The following ARHGAP44 variants were observed in gnomAD, a reference collection of about 807,000 sequenced individuals.
ARHGAP44 encodes the protein rho GTPase-activating protein 44.
ARHGAP44 carries 43 observed loss-of-function variants against 106.8 expected under a neutral mutation model. That is an observed-to-expected ratio of 0.40 (90% confidence interval 0.32 to 0.52). The LOEUF (loss-of-function observed/expected upper bound fraction) is 0.52. Among genes scored for constraint, ARHGAP44 ranks in the 20% least tolerant of loss-of-function variants. The pLI is 0.48. For synonymous variants in ARHGAP44, 439 were observed against 410.3 expected (o/e 1.07, Z -0.85); for missense variants, 866 against 1,050.5 (o/e 0.82, Z 2.43).
At chr17:12,792,559 C>T (rs893982294) in intron 1 of ARHGAP44, among the ~76,000 whole-genome samples, 2 of 152,114 alleles carry the variant, frequency 1.3e-5, no homozygotes, top group South Asian at 2.1e-4. Flanking sequence ...TAAAAGAGCC[C>T]GCGGTTGCCT....
chr17:12,800,131 C>T (rs2034045120), intron 1 of ARHGAP44, among the ~76,000 whole-genome samples: 1 of 152,138 alleles, frequency 6.6e-6, no homozygotes, highest in African/African-American at 2.4e-5. Flanking sequence ...TACCAATATT[C>T]CTTGCCGTGC....
intron 1 of ARHGAP44, among the ~76,000 whole-genome samples, chr17:12,805,208 C>T (rs2034236381): frequency 6.6e-6 from 1 of 152,120 alleles, no homozygotes; most frequent in African/African-American, 2.4e-5. Context: ...TTTCTCACAC[C>T]ACTTATTTTT....
chr17:12,887,582 T>C (rs1303122420), intron 1 of ARHGAP44, among the ~76,000 whole-genome samples: 3 of 152,154 alleles, frequency 2.0e-5, no homozygotes, highest in African/African-American at 7.2e-5. Flanking sequence ...CCCATATTCA[T>C]AGAGGAATAT....
intron 6 of ARHGAP44, 75 bp from the exon 7 acceptor site, chr17:12,928,854 T>G: frequency 7.7e-7 from 1 of 1,293,010 alleles, no homozygotes; most frequent in South Asian, 1.3e-5. Context: ...TGTAACCAGA[T>G]GTTTTCTCAG....
intron 1 of ARHGAP44, among the ~76,000 whole-genome samples, chr17:12,874,975 T>G: frequency 6.7e-6 from 1 of 148,212 alleles, no homozygotes; most frequent in African/African-American, 2.5e-5. Flanking sequence ...GGGGGTGGGA[T>G]GGAAAATGGG....
chr17:12,971,116 A>T (rs2039517794), intron 16 of ARHGAP44, among the ~76,000 whole-genome samples: 1 of 152,204 alleles, frequency 6.6e-6, no homozygotes, highest in African/African-American at 2.4e-5. Flanking sequence ...ATGGCACTGT[A>T]GCCTCTTTAC....
chr17:12,944,319 A>AC, intron 10 of ARHGAP44, 123 bp downstream of exon 10: 1 of 1,290,362 alleles, frequency 7.7e-7, no homozygotes, highest in South Asian at 2.0e-5. Flanking sequence ...ATGGCTTAAG[A>AC]CAGTGGCTCA....
chr17:12,855,570 T>A (rs1243618868), intron 1 of ARHGAP44, among the ~76,000 whole-genome samples: 2 of 152,146 alleles, frequency 1.3e-5, no homozygotes, highest in Non-Finnish European at 2.9e-5. Flanking sequence ...TTTATTTTTC[T>A]GGGTGGGTGG....
chr17:12,810,020 A>G (rs1332127275), intron 1 of ARHGAP44, among the ~76,000 whole-genome samples: 3 of 152,094 alleles, frequency 2.0e-5, no homozygotes, highest in African/African-American at 7.2e-5. Flanking sequence ...AGGGGGGTGG[A>G]ACTGAAGCAT....
intron 8 of ARHGAP44, among the ~76,000 whole-genome samples, chr17:12,942,611 T>A (rs1335336456): frequency 6.6e-6 from 1 of 152,238 alleles, no homozygotes; most frequent in Non-Finnish European, 1.5e-5. Flanking sequence ...GGATACCATT[T>A]ATTTCAATAT....
chr17:12,934,204 G>T lies in ARHGAP44; in HGVS notation c.582+5158G>T, dbSNP rs1282121393. Reference sequence around the variant, plus strand: ...GTCTCTGTTTTTCTCATTTAGCCTTGTCCTCTCTCTCTTTTAGTTTGTATC... The same window carrying T: ...GTCTCTGTTTTTCTCATTTAGCCTTTTCCTCTCTCTCTTTTAGTTTGTATC... On this transcript the variant is annotated intron_variant, in intron 7 of 20. Transcript: ENST00000379672. Among the ~76,000 whole-genome samples the T allele has an allele frequency of 2.0e-5, 3 of 152,046 alleles. No homozygotes were observed. The East Asian group carries it at 5.8e-4, about 29-fold the overall frequency.
At chr17:12,872,887 T>C (rs2150885400) in intron 1 of ARHGAP44, among the ~76,000 whole-genome samples, 1 of 152,330 alleles carries the variant, frequency 6.6e-6, no homozygotes, top group South Asian at 2.1e-4. Flanking sequence ...GAATTTTATT[T>C]TGGTTTTTAG....
chr17:12,809,352 A>G (rs117419594), intron 1 of ARHGAP44, among the ~76,000 whole-genome samples: 3,873 of 152,336 alleles, frequency 0.025, 84 homozygotes, highest in Middle Eastern at 0.041. Context: ...GCTAATAAAG[A>G]CATACCCAAA....
At chr17:12,856,807 A>G (rs145953776) in intron 1 of ARHGAP44, among the ~76,000 whole-genome samples, 1 of 152,306 alleles carries the variant, frequency 6.6e-6, no homozygotes, top group African/African-American at 2.4e-5. Context: ...AGCTTTAACA[A>G]TCTGATGCTT....
At chr17:12,793,729 C>A (rs1333728320) in intron 1 of ARHGAP44, among the ~76,000 whole-genome samples, 4 of 150,828 alleles carry the variant, frequency 2.7e-5, no homozygotes, top group Admixed American at 1.3e-4. Context: ...AAAAAAGGAA[C>A]CTGCATTCTA....
At chr17:12,977,130 T>G (rs759429603) in intron 18 of ARHGAP44, among the ~76,000 whole-genome samples, 4 of 152,172 alleles carry the variant, frequency 2.6e-5, no homozygotes, top group Non-Finnish European at 4.4e-5. Context: ...TTTCGATTAT[T>G]TTAAAGCCAA....
chr17:12,915,439 AT>A (rs886617641), intron 4 of ARHGAP44, among the ~76,000 whole-genome samples: 33 of 151,776 alleles, frequency 2.2e-4, no homozygotes, highest in African/African-American at 7.3e-4. Flanking sequence ...CAACTTTTGG[AT>A]TTTTTTTCAT....
At chr17:12,979,836 G>A (rs1252179353) in intron 18 of ARHGAP44, among the ~76,000 whole-genome samples, 1 of 152,206 alleles carries the variant, frequency 6.6e-6, no homozygotes, top group Non-Finnish European at 1.5e-5. Context: ...TGAGTGCCAA[G>A]TGCCACAGAG....
chr17:12,822,307 A>T (rs2034794325), intron 1 of ARHGAP44, among the ~76,000 whole-genome samples: 1 of 152,142 alleles, frequency 6.6e-6, no homozygotes, highest in Non-Finnish European at 1.5e-5. Flanking sequence ...ATATTTTTCC[A>T]GTCATTTGGA....
Sources: gnomAD v4.1 joint callset for allele counts (sites outside exome capture counted in the v4.1 genomes callset) on GRCh38, gnomAD v4.1.1 for gene constraint, MANE v1.5 for transcripts, NCBI Gene and HGNC (gene_info 2026-07-23, HGNC 2026-07-21) for gene names.